ARID5B: variants seen among roughly 807,000 people sequenced by gnomAD.
ARID5B encodes the protein AT-rich interaction domain 5B.
In ARID5B, 13 loss-of-function variants were observed where a neutral mutation model predicts 97.2. The observed-to-expected ratio is 0.13, with a 90% confidence interval of 0.09 to 0.21. The LOEUF (loss-of-function observed/expected upper bound fraction) is 0.21, where lower values mean the gene tolerates loss of function less well. Among genes scored for constraint, ARID5B ranks in the 10% least tolerant of loss-of-function variants. ARID5B has a pLI of 1.00. For synonymous variants in ARID5B, 556 were observed against 570.3 expected, an observed-to-expected ratio of 0.97 and a Z score of 0.36; for missense variants, 1,210 against 1,465.3, an observed-to-expected ratio of 0.83 and a Z score of 2.84.
intron 2 of ARID5B, among the ~76,000 whole-genome samples, chr10:61,931,586 A>T (rs1416518965): frequency 2.0e-5 from 3 of 152,244 alleles, no homozygotes; most frequent in African/African-American, 7.2e-5. Context: ...AATAGGAGAA[A>T]GTGGTTTCAA....
At chr10:62,028,301 C>T (rs774944154) in intron 4 of ARID5B, among the ~76,000 whole-genome samples, 4 of 152,296 alleles carry the variant, frequency 2.6e-5, no homozygotes, top group Admixed American at 2.6e-4. Context: ...GAAGCAGTTA[C>T]GCAAGTACAA....
intron 4 of ARID5B, among the ~76,000 whole-genome samples, chr10:62,021,207 G>A (rs970960411): frequency 6.6e-6 from 1 of 151,874 alleles, no homozygotes; most frequent in Non-Finnish European, 1.5e-5. Context: ...AATAACTGCT[G>A]ATACATAGTT....
intron 4 of ARID5B, among the ~76,000 whole-genome samples, chr10:62,050,364 C>T (rs1021750880): frequency 1.3e-5 from 2 of 152,142 alleles, no homozygotes; most frequent in Non-Finnish European, 2.9e-5. Context: ...GTTGTGAATG[C>T]CCCTCTCTCT....
chr10:61,914,569 C>A (rs1843866064), intron 2 of ARID5B, among the ~76,000 whole-genome samples: 1 of 152,200 alleles, frequency 6.6e-6, no homozygotes, highest in African/African-American at 2.4e-5. Context: ...TTCTAGAGTG[C>A]TTTCTCTGTG....
chr10:61,998,486 A>G (rs567112519), intron 3 of ARID5B, among the ~76,000 whole-genome samples: 1 of 152,318 alleles, frequency 6.6e-6, no homozygotes, highest in East Asian at 1.9e-4. Flanking sequence ...TTGATGTTGT[A>G]CAGGTGGAGG....
chr10:61,914,118 C>T (rs952785739), intron 2 of ARID5B, among the ~76,000 whole-genome samples: 8 of 152,156 alleles, frequency 5.3e-5, no homozygotes, highest in African/African-American at 1.9e-4. Flanking sequence ...ATCCAGGATC[C>T]CAGACTGGAC....
Position 62,096,148 on chromosome 10 carries a change from C to G in ARID5B, c.*3118C>G. ...GACTTATTTATTTACTAGCTAGAAG[C>G]TCTTAAGTTCACTTGTTTATCAGGG... On this transcript the variant is annotated 3_prime_UTR_variant, in exon 10 of 10. Transcript: ENST00000279873. The G allele has an allele frequency of 4.3e-6, 1 of 233,510 alleles. No homozygotes were observed. The highest frequency in any genetic ancestry group is 8.5e-6 in the Non-Finnish European group (1 of 117,980). The allele number at this position is 233,510 out of a possible 1,614,324, so 14.5% of individuals were successfully genotyped here.
At chr10:61,915,231 C>T (rs1049874682) in intron 2 of ARID5B, among the ~76,000 whole-genome samples, 2 of 152,188 alleles carry the variant, frequency 1.3e-5, no homozygotes, top group Admixed American at 1.3e-4. Context: ...CAGCACTGCG[C>T]ACTGGAGAGA....
rs34466257 is a variant in ARID5B at position 62,057,337 on chromosome 10, G to A, written c.1048+19G>A. 93,820 of 1,604,078 alleles carry A rather than the reference G, an allele frequency of 0.058. 3,031 individuals carry two copies. The highest frequency in any genetic ancestry group is 0.083 in the Middle Eastern group (498 of 5,980). On this transcript the variant is annotated intron_variant, in intron 6 of 9. Transcript: ENST00000279873. ...AAACAGAGTGAGTATACTTGTTTTC[G>A]TTTCTGAATTATCAGAGCTGCTCAG...
chr10:61,929,056 C>T (rs999155425), intron 2 of ARID5B, among the ~76,000 whole-genome samples: 1 of 152,122 alleles, frequency 6.6e-6, no homozygotes, highest in Admixed American at 6.5e-5. Flanking sequence ...GGAATGGTTC[C>T]GTCAGGACAC....
intron 2 of ARID5B, among the ~76,000 whole-genome samples, chr10:61,903,160 G>T (rs963559279): frequency 1.6e-4 from 25 of 152,146 alleles, no homozygotes; most frequent in Non-Finnish European, 2.9e-4. Context: ...GCGATCTTTG[G>T]GGGTGTGTGG....
At chr10:61,928,510 C>A (rs1844147352) in intron 2 of ARID5B, among the ~76,000 whole-genome samples, 1 of 152,164 alleles carries the variant, frequency 6.6e-6, no homozygotes, top group Non-Finnish European at 1.5e-5. Context: ...ACAGGCTGAT[C>A]TTGAACTCCT....
chr10:61,985,072 A>T (rs1838828621), intron 3 of ARID5B, among the ~76,000 whole-genome samples: 1 of 151,908 alleles, frequency 6.6e-6, no homozygotes, highest in South Asian at 2.1e-4. Flanking sequence ...GAGTCATGGT[A>T]TTTTAATCTG....
chr10:61,975,927 C>T (rs1186885957), intron 3 of ARID5B, among the ~76,000 whole-genome samples: 2 of 152,172 alleles, frequency 1.3e-5, no homozygotes, highest in Admixed American at 6.5e-5. Flanking sequence ...TCTTCCTTGT[C>T]TAATTCAGCA....
intron 2 of ARID5B, among the ~76,000 whole-genome samples, chr10:61,938,620 A>C (rs1448233820): frequency 3.3e-5 from 5 of 152,122 alleles, no homozygotes; most frequent in Non-Finnish European, 5.9e-5. Context: ...TTGAAATGGT[A>C]CTTTGTAATG....
chr10:61,978,533 C>T (rs1232294084), intron 3 of ARID5B, among the ~76,000 whole-genome samples: 2 of 152,130 alleles, frequency 1.3e-5, no homozygotes, highest in East Asian at 3.8e-4. Flanking sequence ...TCTTTTATTT[C>T]GTTGAGCAGT....
intron 3 of ARID5B, among the ~76,000 whole-genome samples, chr10:61,953,859 G>C (rs1838356305): frequency 6.6e-6 from 1 of 152,088 alleles, no homozygotes; most frequent in Non-Finnish European, 1.5e-5. Context: ...CTTTAGAAAG[G>C]TAAACCCTTA....
intron 8 of ARID5B, among the ~76,000 whole-genome samples, chr10:62,074,408 G>A (rs1840101652): frequency 6.6e-6 from 1 of 152,156 alleles, no homozygotes. Context: ...TTCTTTGCAG[G>A]GACTTAAGGT....
At chr10:61,955,349 C>T (rs1000679168) in intron 3 of ARID5B, among the ~76,000 whole-genome samples, 1 of 152,148 alleles carries the variant, frequency 6.6e-6, no homozygotes, top group African/African-American at 2.4e-5. Flanking sequence ...TAATAACATG[C>T]AGTAACATGC....
Sources: gnomAD v4.1 joint callset for allele counts (sites outside exome capture counted in the v4.1 genomes callset) on GRCh38, gnomAD v4.1.1 for gene constraint, MANE v1.5 for transcripts, NCBI Gene and HGNC (gene_info 2026-07-23, HGNC 2026-07-21) for gene names.